The following SLC6A5 variants were observed in gnomAD, a reference collection of about 807,000 sequenced individuals.
SLC6A5 encodes sodium- and chloride-dependent glycine transporter 2.
A neutral mutation model predicts 90.5 loss-of-function variants in SLC6A5; 58 were observed. The observed-to-expected ratio is 0.64, with a 90% confidence interval of 0.52 to 0.80. The LOEUF (loss-of-function observed/expected upper bound fraction) is 0.80, where lower values mean the gene tolerates loss of function less well. Among genes scored for constraint, SLC6A5 ranks in the 30% least tolerant of loss-of-function variants. The pLI is 0.00. For missense variants in SLC6A5, 1,015 were observed against 1,017.6 expected, an observed-to-expected ratio of 1.00 and a Z score of 0.03; for synonymous variants, 427 against 401.4, an observed-to-expected ratio of 1.06 and a Z score of -0.76.
chr11:20,619,653 A>G (rs1025076011), intron 7 of SLC6A5, among the ~76,000 whole-genome samples: 19 of 152,086 alleles, frequency 1.2e-4, no homozygotes, highest in African/African-American at 4.3e-4. Flanking sequence ...AATAAATGAA[A>G]AGCACATTTT....
chr11:20,610,594 A>G (rs1852676231), intron 5 of SLC6A5, among the ~76,000 whole-genome samples: 1 of 152,202 alleles, frequency 6.6e-6, no homozygotes, highest in South Asian at 2.1e-4. Flanking sequence ...TACAGAACAG[A>G]GATATGGAGT....
rs12270626 is a variant in SLC6A5 at position 20,621,002 on chromosome 11, C to T, written c.1260+3118C>T. Among the ~76,000 whole-genome samples the T allele has an allele frequency of 7.1e-3, 1,077 of 152,038 alleles. 11 individuals are homozygous for T. Among genetic ancestry groups the T allele is most frequent in the African/African-American group, 0.025 (1,026 of 41,472 alleles). ...ATTTTTAGTAGAGACAGGATTTCACCGTGTTGGCCAGGCTAGTCTTGACCT... is the reference window on the plus strand; with the variant it reads ...ATTTTTAGTAGAGACAGGATTTCACTGTGTTGGCCAGGCTAGTCTTGACCT... On this transcript the variant is annotated intron_variant, in intron 7 of 15. Coordinates refer to ENST00000525748, the MANE Select transcript of SLC6A5 (RefSeq NM_004211.5).
At chr11:20,624,731 C>T (rs1158327736) in intron 7 of SLC6A5, among the ~76,000 whole-genome samples, 1 of 152,200 alleles carries the variant, frequency 6.6e-6, no homozygotes, top group Non-Finnish European at 1.5e-5. Flanking sequence ...CCAGAGTGGG[C>T]CTGGATGGGA....
chr11:20,645,174 A>C (rs190746048), intron 13 of SLC6A5, among the ~76,000 whole-genome samples: 3 of 152,120 alleles, frequency 2.0e-5, no homozygotes, highest in Admixed American at 6.5e-5. Flanking sequence ...GGAAAACTCC[A>C]GTCTCTGCTT....
At position 20,654,986 on chromosome 11, in the gene SLC6A5, T is replaced by A. The variant is rs1432336371; in HGVS notation, c.*118T>A. On this transcript the variant is annotated 3_prime_UTR_variant, in exon 16 of 16. Transcript: ENST00000525748. ...CTTTCTTCCTACATCTTGGTTCACA[T>A]CCACGCATGAGAGTGATTATGTAGA... 2 of 1,080,334 alleles carry A rather than the reference T, an allele frequency of 1.9e-6. No individual in the cohort carries two copies. Among genetic ancestry groups the A allele is most frequent in the African/African-American group, 3.1e-5 (2 of 64,406 alleles). The allele number at this position is 1,080,334 out of a possible 1,614,324, so 66.9% of individuals were successfully genotyped here. A position where few individuals can be genotyped will look rare whatever the true frequency, so the allele number is the denominator to read the frequency against.
rs778582552 is a variant in SLC6A5 at position 20,654,870 on chromosome 11, C to T, written c.*2C>T. 4.3e-6 allele frequency: 7 copies of T among 1,613,962 alleles called. No individual in the cohort carries two copies. In the Admixed American group the frequency reaches 1.2e-4, roughly 27 times the overall value. ...TTGGAACTGGGCACTCAGTGCTAGTCCAGTGGTGTGGGATGGTCCAGACTT... is the reference window on the plus strand; with the variant it reads ...TTGGAACTGGGCACTCAGTGCTAGTTCAGTGGTGTGGGATGGTCCAGACTT... On this transcript the variant is annotated 3_prime_UTR_variant, in exon 16 of 16. Coordinates refer to ENST00000525748, the MANE Select transcript of SLC6A5 (RefSeq NM_004211.5).
At position 20,655,203 on chromosome 11, in the gene SLC6A5, T is replaced by A; in HGVS notation, c.*335T>A. ...TTTGTCAATAGAGAGGTATCCACTG[T>A]GTGATGGCATGGGGGGTGCCAGTAA... On this transcript the variant is annotated 3_prime_UTR_variant, in exon 16 of 16. Coordinates refer to ENST00000525748, the MANE Select transcript of SLC6A5 (RefSeq NM_004211.5). 2.7e-6 allele frequency: 1 copy of A among 371,470 alleles called. No homozygotes were observed. The highest frequency in any genetic ancestry group is 2.2e-5 in the South Asian group (1 of 46,354). The allele number at this position is 371,470 out of a possible 1,614,324, so 23.0% of individuals were successfully genotyped here.
rs1034878253 is a variant in SLC6A5, at chr11:20,629,847, G to A, written c.1500-844G>A. ...CAGGTTCAAGCAATTCAAGTAGCTG[G>A]GATTGCGGGCATGTGCCACCATGCC... On this transcript the variant is annotated intron_variant, in intron 9 of 15. Coordinates refer to ENST00000525748, the MANE Select transcript of SLC6A5 (RefSeq NM_004211.5). Among the ~76,000 whole-genome samples the A allele has an allele frequency of 2.0e-5, 3 of 151,776 alleles. No homozygotes were observed. The East Asian group carries it at 5.8e-4, about 29-fold the overall frequency.
At chr11:20,627,886 C>A (rs1010766422) in intron 8 of SLC6A5, 94 bp from the exon 9 acceptor site, 3 of 887,208 alleles carry the variant, frequency 3.4e-6, no homozygotes, top group Non-Finnish European at 5.7e-6. Context: ...GATGTTTCCC[C>A]TGGAAACATG....
At chr11:20,614,906 G>T in intron 6 of SLC6A5, 86 bp downstream of exon 6, 1 of 1,286,564 alleles carries the variant, frequency 7.8e-7, no homozygotes, top group Non-Finnish European at 1.1e-6. Context: ...CAGAGGTGTG[G>T]GTAGCCCAAG....
chr11:20,657,609 G>C lies in SLC6A5; in HGVS notation c.*2741G>C, dbSNP rs947038239. 4 of 152,212 alleles carry C rather than the reference G, an allele frequency of 2.6e-5. No individual in the cohort carries two copies. Among genetic ancestry groups the C allele is most frequent in the Non-Finnish European group, 1.5e-5 (1 of 68,040 alleles). The allele number at this position is 152,212 out of a possible 1,614,324, so 9.4% of individuals were successfully genotyped here. On this transcript the variant is annotated 3_prime_UTR_variant, in exon 16 of 16. Coordinates refer to ENST00000525748, the MANE Select transcript of SLC6A5 (RefSeq NM_004211.5). ...ATAACATTGTTAGAAACTGGCACCT[G>C]AAAACTTCCCTTCAAAGTGGGGGAA...
rs1010118749 is a variant in SLC6A5 at position 20,657,270 on chromosome 11, T to A, written c.*2402T>A. The A allele has an allele frequency of 6.6e-6, 1 of 152,178 alleles. No homozygotes were observed. The highest frequency in any genetic ancestry group is 2.4e-5 in the African/African-American group (1 of 41,444). The allele number at this position is 152,178 out of a possible 1,614,324, so 9.4% of individuals were successfully genotyped here. A position where few individuals can be genotyped will look rare whatever the true frequency, so the allele number is the denominator to read the frequency against. ...GGTTTGTTTTGTACAAACTGAAAGT[T>A]AACTTAATTGTGAGAACGGAGACCT... On this transcript the variant is annotated 3_prime_UTR_variant, in exon 16 of 16. Transcript: ENST00000525748.
intron 13 of SLC6A5, among the ~76,000 whole-genome samples, chr11:20,646,425 A>G (rs1034069360): frequency 2.0e-5 from 3 of 152,192 alleles, no homozygotes; most frequent in Non-Finnish European, 2.9e-5. Context: ...CTAAATTCCA[A>G]TGCTTTCAGA....
rs77755821 is a variant in SLC6A5, at chr11:20,643,870, G to C, written c.1970-2964G>C. Among the ~76,000 whole-genome samples the C allele has an allele frequency of 1.2e-4, 18 of 152,288 alleles. No individual in the cohort carries two copies. In the East Asian group the frequency reaches 3.3e-3, roughly 28 times the overall value. On this transcript the variant is annotated intron_variant, in intron 13 of 15. Coordinates refer to ENST00000525748, the MANE Select transcript of SLC6A5 (RefSeq NM_004211.5). ...GGGTCTGGAGACTCGCTGTACATGAGGGGTGGCTGACATTCTCAGTCTGAG... is the reference window on the plus strand; with the variant it reads ...GGGTCTGGAGACTCGCTGTACATGACGGGTGGCTGACATTCTCAGTCTGAG...
intron 5 of SLC6A5, among the ~76,000 whole-genome samples, chr11:20,609,301 A>G (rs186182199): frequency 1.1e-4 from 17 of 149,630 alleles, no homozygotes; most frequent in Admixed American, 3.3e-4. Context: ...TTTTTTGGTG[A>G]AAAGAAAAAC....
intron 5 of SLC6A5, among the ~76,000 whole-genome samples, chr11:20,610,392 T>C (rs1852671583): frequency 6.6e-6 from 1 of 152,156 alleles, no homozygotes; most frequent in African/African-American, 2.4e-5. Flanking sequence ...GCAGGAACGG[T>C]GACCTTGTGC....
chr11:20,626,402 T>C (rs1448007437), intron 7 of SLC6A5, among the ~76,000 whole-genome samples: 2 of 152,116 alleles, frequency 1.3e-5, no homozygotes, highest in Non-Finnish European at 2.9e-5. Flanking sequence ...CTTCTCTCTG[T>C]GGTCCCCTAA....
Position 20,655,118 on chromosome 11 carries a change from C to CCA in SLC6A5, c.*254_*255dup, listed in dbSNP as rs1853619813. On this transcript the variant is annotated 3_prime_UTR_variant, in exon 16 of 16. Transcript: ENST00000525748. Reference sequence around the variant, plus strand: ...GTTTCTGGTCAGGTTGGTCCCCTGACCACACGTTTTACCCTGCAGAGGAGG... The same window carrying CCA: ...GTTTCTGGTCAGGTTGGTCCCCTGACCACACACGTTTTACCCTGCAGAGGAGG... The CCA allele has an allele frequency of 2.0e-6, 1 of 510,512 alleles. No homozygotes were observed. Among genetic ancestry groups the CCA allele is most frequent in the Non-Finnish European group, 3.6e-6 (1 of 274,606 alleles). The allele number at this position is 510,512 out of a possible 1,614,324, so 31.6% of individuals were successfully genotyped here.
In SLC6A5 at chr11:20,611,422, C is replaced by A. The variant is rs74500383; in HGVS notation, c.986-3257C>A. Among the ~76,000 whole-genome samples, 4,054 of 152,220 alleles carry A rather than the reference C, an allele frequency of 0.027. 427 individuals are homozygous for A. The East Asian group carries it at 0.35, about 13-fold the overall frequency. On this transcript the variant is annotated intron_variant, in intron 5 of 15. Transcript: ENST00000525748. ...GTGAGCAGAGATTGTGCCACTGCACCCTAGCCTGGGTGACACAGTGAGACT... is the reference window on the plus strand; with the variant it reads ...GTGAGCAGAGATTGTGCCACTGCACACTAGCCTGGGTGACACAGTGAGACT...
Sources: allele counts gnomAD v4.1 joint callset (sites outside exome capture counted in the v4.1 genomes callset), GRCh38; gene constraint gnomAD v4.1.1; transcripts MANE v1.5; gene names NCBI Gene and HGNC (gene_info 2026-07-23, HGNC 2026-07-21).